Variants in RGS22 observed in about 807,000 individuals in gnomAD.
The protein encoded by RGS22 is regulator of G-protein signaling 22.
Under a neutral mutation model 172.9 loss-of-function variants are expected in RGS22, and 148 were observed. That is an observed-to-expected ratio of 0.86 (90% CI 0.75 to 0.98). RGS22 has a LOEUF of 0.98. RGS22 is among the 50% of genes least tolerant of loss of function. RGS22 has a pLI of 0.00. For missense variants in RGS22, 1,347 were observed against 1,440.8 expected (o/e 0.93, Z 1.05); for synonymous variants, 458 against 480.2 (o/e 0.95, Z 0.60).
intron 10 of RGS22, among the ~76,000 whole-genome samples, chr8:100,051,407 T>A (rs1264787579): frequency 2.3e-5 from 3 of 129,220 alleles, no homozygotes; most frequent in African/African-American, 8.8e-5. Flanking sequence ...ATATATATAT[T>A]TATTATATAT....
chr8:100,104,524 G>A (rs1009525844), intron 2 of RGS22, among the ~76,000 whole-genome samples: 2 of 152,004 alleles, frequency 1.3e-5, no homozygotes, highest in African/African-American at 4.8e-5. Flanking sequence ...CAGAGCTCTG[G>A]AAAGGTGAAT....
At chr8:99,981,040 C>T (rs1166564561) in intron 22 of RGS22, among the ~76,000 whole-genome samples, 1 of 152,130 alleles carries the variant, frequency 6.6e-6, no homozygotes, top group Non-Finnish European at 1.5e-5. Flanking sequence ...TAAGAATAAT[C>T]GCCTTTTTCC....
intron 11 of RGS22, among the ~76,000 whole-genome samples, chr8:100,042,307 C>A (rs1201806749): frequency 6.6e-6 from 1 of 151,908 alleles, no homozygotes; most frequent in Non-Finnish European, 1.5e-5. Flanking sequence ...TTTAGAGGGG[C>A]TCTTTAGATA....
intron 3 of RGS22, among the ~76,000 whole-genome samples, chr8:100,082,327 T>TA (rs1811826385): frequency 6.6e-6 from 1 of 152,162 alleles, no homozygotes; most frequent in Admixed American, 6.5e-5. Context: ...GTCACCCAGG[T>TA]AAGCAGCATA....
intron 2 of RGS22, among the ~76,000 whole-genome samples, chr8:100,095,148 T>C (rs1301481726): frequency 1.3e-5 from 2 of 152,212 alleles, no homozygotes; most frequent in African/African-American, 4.8e-5. Context: ...TAAAAGATTC[T>C]AACTCAATGA....
At chr8:100,000,771 G>A (rs1814955093) in intron 18 of RGS22, among the ~76,000 whole-genome samples, 1 of 152,132 alleles carries the variant, frequency 6.6e-6, no homozygotes. Context: ...TTTTGCTAAT[G>A]TGTCCCAGAT....
At chr8:100,048,107 T>TA (rs1820924186) in intron 10 of RGS22, among the ~76,000 whole-genome samples, 1 of 152,106 alleles carries the variant, frequency 6.6e-6, no homozygotes, top group Admixed American at 6.6e-5. Context: ...TTCCCATTCT[T>TA]AGAGTTATTT....
At chr8:100,004,970 A>C (rs1386031717) in intron 16 of RGS22, among the ~76,000 whole-genome samples, 1 of 152,002 alleles carries the variant, frequency 6.6e-6, no homozygotes, top group Non-Finnish European at 1.5e-5. Flanking sequence ...AATTCCTTAC[A>C]TAACTAATTC....
In RGS22 at chr8:100,066,214, C is replaced by T; in HGVS notation, c.677G>A (p.Cys226Tyr). Residue 226 changes from cysteine (C) to tyrosine (Y), a missense_variant, in exon 7 of 28, where the codon TGT becomes TAT. Transcript: ENST00000360863. The part of the protein sequence containing the change: ...QTVSTFSLPC[C>Y]VPYNKLKSPA... ...TGATTTAAGTTTGTTGTAGGGTACA[C>T]AACAGGGTAACGAAAAGGTTGATAC... 1 of 1,613,536 alleles carries T rather than the reference C, an allele frequency of 6.2e-7. No individual in the cohort carries two copies. Among genetic ancestry groups the T allele is most frequent in the Non-Finnish European group, 8.5e-7 (1 of 1,179,558 alleles).
intron 2 of RGS22, among the ~76,000 whole-genome samples, chr8:100,094,370 T>G (rs1253263756): frequency 6.6e-6 from 1 of 152,214 alleles, no homozygotes; most frequent in East Asian, 1.9e-4. Flanking sequence ...TATGGCTGAT[T>G]ACTTTCTTTT....
intron 3 of RGS22, 79 bp from the exon 4 acceptor site, chr8:100,080,434 A>C: frequency 1.1e-6 from 1 of 951,714 alleles, no homozygotes; most frequent in Non-Finnish European, 1.6e-6. Flanking sequence ...TGTGGTTTAC[A>C]TACATGCATG....
intron 23 of RGS22, among the ~76,000 whole-genome samples, chr8:99,968,422 T>TTG (rs1563554632): frequency 6.6e-6 from 1 of 151,950 alleles, no homozygotes; most frequent in African/African-American, 2.4e-5. Context: ...AGGTGGGTAA[T>TTG]AACAAACTCT....
chr8:100,044,407 T>C (rs1181380645), intron 11 of RGS22, among the ~76,000 whole-genome samples: 10 of 152,132 alleles, frequency 6.6e-5, no homozygotes, highest in Admixed American at 2.6e-4. Flanking sequence ...CCATCATGCC[T>C]GGCTAATTTT....
intron 18 of RGS22, among the ~76,000 whole-genome samples, chr8:100,001,409 G>A (rs1190244151): frequency 6.6e-6 from 1 of 151,412 alleles, no homozygotes; most frequent in Non-Finnish European, 1.5e-5. Flanking sequence ...GCTAAGTTTT[G>A]TATTTTTAGT....
At chr8:100,024,435 C>T (rs1817954510) in intron 14 of RGS22, among the ~76,000 whole-genome samples, 2 of 152,152 alleles carry the variant, frequency 1.3e-5, no homozygotes, top group Non-Finnish European at 2.9e-5. Flanking sequence ...TACGTTGCTA[C>T]AAATATAAAC....
Position 100,041,864 on chromosome 8 carries a change from C to T in RGS22, c.1876G>A (p.Asp626Asn). ...TGGGGCTTGAGACATTCAGAAATGTCAGTAAAAGATGTTAAATGAATGACT... is the reference window on the plus strand; with the variant it reads ...TGGGGCTTGAGACATTCAGAAATGTTAGTAAAAGATGTTAAATGAATGACT... ...SKVIHLTSFT[D>N]ISECLKPQLD... Residue 626 changes from aspartate to asparagine, a missense_variant, in exon 12 of 28, where the codon GAC becomes AAC. Transcript: ENST00000360863. The T allele has an allele frequency of 6.2e-7, 1 of 1,613,192 alleles. No homozygotes were observed. Among genetic ancestry groups the T allele is most frequent in the Non-Finnish European group, 8.5e-7 (1 of 1,179,448 alleles).
At chr8:99,969,931 T>C (rs1811158667) in intron 23 of RGS22, among the ~76,000 whole-genome samples, 2 of 152,184 alleles carry the variant, frequency 1.3e-5, no homozygotes, top group African/African-American at 2.4e-5. Flanking sequence ...GAATATACAT[T>C]CTTCTCAGCA....
rs924943680 is a variant in RGS22 at position 100,105,947 on chromosome 8, G to A, written c.-26C>T. On this transcript the variant is annotated 5_prime_UTR_variant, in exon 1 of 28. Transcript: ENST00000360863. ...GCCGTCCCCGCTGCCCGCGCCTGGA[G>A]CCCGCGCGGGCCGTCAGGGCCCTAG... 10 of 1,453,758 alleles carry A rather than the reference G, an allele frequency of 6.9e-6. No individual in the cohort carries two copies. The highest frequency in any genetic ancestry group is 8.1e-6 in the Non-Finnish European group (9 of 1,107,298). 90.1% of individuals were successfully genotyped at this position (1,453,758 alleles called of 1,614,324 possible). A position where few individuals can be genotyped will look rare whatever the true frequency, so the allele number is the denominator to read the frequency against.
Position 100,036,859 on chromosome 8 carries a change from A to G in RGS22, c.2166+2072T>C, listed in dbSNP as rs192306721. ...AGCAATCCTCTTGCCTCAGCCTGCC[A>G]AAGTACTGGGATTACAGGCATGAGC... On this transcript the variant is annotated intron_variant, in intron 14 of 27. Coordinates refer to ENST00000360863, the MANE Select transcript of RGS22 (RefSeq NM_015668.5). 2.9e-4 allele frequency among the ~76,000 whole-genome samples: 44 copies of G among 152,232 alleles called. 2 individuals are homozygous for G. In the East Asian group the frequency reaches 5.2e-3, roughly 18 times the overall value.
Sources: gnomAD v4.1 joint callset for allele counts (sites outside exome capture counted in the v4.1 genomes callset) on GRCh38, gnomAD v4.1.1 for gene constraint, MANE v1.5 for transcripts, NCBI Gene and HGNC (gene_info 2026-07-23, HGNC 2026-07-21) for gene names.